The following MAPDA variants were observed in gnomAD, a reference collection of about 807,000 sequenced individuals.
The protein encoded by MAPDA is N6,N6-dimethyl-AMP deaminase.
the MAPDA span, chr15:43,330,507 G>A: frequency 6.6e-7 from 1 of 1,512,406 alleles, no homozygotes; most frequent in Admixed American, 2.4e-5. Flanking sequence ...AGAGACTCAG[G>A]AATGGCAGTC....
chr15:43,340,565 G>A, the MAPDA span, among the ~76,000 whole-genome samples: 3 of 152,074 alleles, frequency 2.0e-5, no homozygotes, highest in African/African-American at 4.8e-5. Flanking sequence ...TTGCTGTCTT[G>A]CCCAGGCTGG....
At chr15:43,345,999 G>A in the MAPDA span, 9 of 1,612,812 alleles carry the variant, frequency 5.6e-6, no homozygotes, top group East Asian at 2.2e-5. Context: ...TTTTTCCTAC[G>A]TACATTTTAA....
the MAPDA span, chr15:43,352,292 G>A: frequency 5.4e-6 from 1 of 186,308 alleles, no homozygotes; most frequent in African/African-American, 2.3e-5. Flanking sequence ...ATAAAGTTAG[G>A]AAAGTGGGGA....
the MAPDA span, chr15:43,351,833 A>G: frequency 2.6e-6 from 4 of 1,551,694 alleles, no homozygotes; most frequent in Non-Finnish European, 3.5e-6. Context: ...ACCCAGTCTC[A>G]GGTGTGGGAT....
At chr15:43,346,460 G>C in the MAPDA span, among the ~76,000 whole-genome samples, 1 of 152,114 alleles carries the variant, frequency 6.6e-6, no homozygotes, top group Non-Finnish European at 1.5e-5. Flanking sequence ...CAGCATCCTT[G>C]GCCTCTACCC....
the MAPDA span, among the ~76,000 whole-genome samples, chr15:43,332,621 A>G: frequency 1.8e-4 from 27 of 152,328 alleles, no homozygotes; most frequent in Non-Finnish European, 3.2e-4. Context: ...GTTTATTCTT[A>G]TATAAAATGG....
chr15:43,345,703 TA>T, the MAPDA span: 2 of 890,894 alleles, frequency 2.2e-6, no homozygotes, highest in Non-Finnish European at 3.4e-6. Context: ...TATGACAAAG[TA>T]AAATGTCATG....
chr15:43,342,260 A>C, the MAPDA span, among the ~76,000 whole-genome samples: 1 of 152,060 alleles, frequency 6.6e-6, no homozygotes, highest in Non-Finnish European at 1.5e-5. Flanking sequence ...AAAGAAAAAA[A>C]GGTATTTTAC....
At chr15:43,349,017 C>G in the MAPDA span, 2 of 1,614,170 alleles carry the variant, frequency 1.2e-6, no homozygotes, top group Non-Finnish European at 1.7e-6. Context: ...ATCTGGTGGA[C>G]TTTGTGAGGC....
chr15:43,343,004 A>G, the MAPDA span: 110 of 1,579,646 alleles, frequency 7.0e-5, no homozygotes, highest in Non-Finnish European at 8.2e-5. Flanking sequence ...GAATGACTAA[A>G]AAGACTTATG....
chr15:43,330,394 G>A, the MAPDA span: 1 of 1,578,150 alleles, frequency 6.3e-7, no homozygotes, highest in Non-Finnish European at 8.6e-7. Flanking sequence ...GGTCCTGCAC[G>A]TACCCGCGCG....
At chr15:43,340,304 G>C in the MAPDA span, 2 of 1,614,050 alleles carry the variant, frequency 1.2e-6, no homozygotes, top group South Asian at 1.1e-5. Flanking sequence ...AGATGACGGC[G>C]TCAAGTACCT....
At chr15:43,332,990 T>C in the MAPDA span, among the ~76,000 whole-genome samples, 9 of 152,282 alleles carry the variant, frequency 5.9e-5, no homozygotes, top group African/African-American at 2.2e-4. Context: ...GTAAAGATTA[T>C]GATTGCTTAG....
chr15:43,337,275 CAAA>C, the MAPDA span, among the ~76,000 whole-genome samples: 2 of 61,936 alleles, frequency 3.2e-5, no homozygotes, highest in Admixed American at 1.7e-4. Flanking sequence ...GACTCCGTCT[CAAA>C]AAAAAAAAAA....
At chr15:43,335,072 A>C in the MAPDA span, 7 of 1,604,054 alleles carry the variant, frequency 4.4e-6, no homozygotes, top group Non-Finnish European at 6.0e-6. Context: ...CATACTAAGA[A>C]TAAGAGTGGA....
chr15:43,330,400 G>C, the MAPDA span: 1 of 1,538,198 alleles, frequency 6.5e-7, no homozygotes, highest in Non-Finnish European at 8.7e-7. Context: ...GCACGTACCC[G>C]CGCGCGGCCA....
chr15:43,349,381 A>T, the MAPDA span: 1 of 916,736 alleles, frequency 1.1e-6, no homozygotes, highest in Non-Finnish European at 1.3e-6. Flanking sequence ...AATATGTAAC[A>T]TTATTTAAAA....
chr15:43,351,932 T>C, the MAPDA span: 1 of 1,550,480 alleles, frequency 6.4e-7, no homozygotes, highest in South Asian at 1.2e-5. Context: ...AAGCCCAGAG[T>C]GTTACATATT....
the MAPDA span, chr15:43,349,429 CTGTT>C: frequency 1.3e-6 from 1 of 778,640 alleles, no homozygotes; most frequent in Non-Finnish European, 1.6e-6. Context: ...TTTCACATGT[CTGTT>C]GATCATTACA....
Sources: gnomAD v4.1 joint callset for allele counts (sites outside exome capture counted in the v4.1 genomes callset) on GRCh38, gnomAD v4.1.1 for gene constraint, MANE v1.5 for transcripts, NCBI Gene and HGNC (gene_info 2026-07-23, HGNC 2026-07-21) for gene names.